Variants in DST observed in about 807,000 individuals in gnomAD.
DST encodes bullous pemphigoid antigen.
DST carries 253 observed loss-of-function variants against 875.2 expected under a neutral mutation model. The observed-to-expected ratio is 0.29, with a 90% CI of 0.26 to 0.32. The LOEUF is 0.32. DST is among the 10% of genes least tolerant of loss of function. The pLI is 1.00. For missense variants in DST, 8,287 were observed against 9,111.6 expected (o/e 0.91, Z 3.68); for synonymous variants, 3,124 against 3,197.1 (o/e 0.98, Z 0.77).
intron 2 of DST, among the ~76,000 whole-genome samples, chr6:56,901,971 G>C (rs1038049134): frequency 1.3e-5 from 2 of 152,218 alleles, no homozygotes; most frequent in African/African-American, 4.8e-5. Flanking sequence ...GGTTAAAGTA[G>C]TAGACTCTCA....
chr6:56,789,507 T>G (rs6922079), intron 4 of DST, among the ~76,000 whole-genome samples: 1,524 of 152,302 alleles, frequency 0.01, 25 homozygotes, highest in African/African-American at 0.035. Flanking sequence ...TTTATTAGCA[T>G]TAAGTATATT....
At chr6:56,782,519 T>C (rs898299567) in intron 4 of DST, among the ~76,000 whole-genome samples, 1 of 152,246 alleles carries the variant, frequency 6.6e-6, no homozygotes, top group African/African-American at 2.4e-5. Context: ...ATAGAGGTGT[T>C]TGTAGTATTC....
At chr6:56,641,214 T>C (rs2098897211) in intron 17 of DST, among the ~76,000 whole-genome samples, 2 of 152,150 alleles carry the variant, frequency 1.3e-5, no homozygotes, top group Non-Finnish European at 2.9e-5. Context: ...AAGGTTTTTA[T>C]ACACGTATTT....
In DST at chr6:56,509,719, A is replaced by G. The variant is rs1431402571; in HGVS notation, c.18935T>C (p.Leu6312Ser). The G allele has an allele frequency of 6.2e-7, 1 of 1,613,708 alleles. No homozygotes were observed. The highest frequency in any genetic ancestry group is 1.1e-5 in the South Asian group (1 of 91,084). ...VSVDMEKLQP[L>S]YETLKQRGEE... is the part of the protein sequence containing the mutation. Reference sequence around the variant, plus strand: ...TCCCCTCTGTTTAAGAGTTTCATACAACGGCTGTAGCTTTTCCATGTCTAC... The same window carrying G: ...TCCCCTCTGTTTAAGAGTTTCATACGACGGCTGTAGCTTTTCCATGTCTAC... Residue 6312 changes from leucine (L) to serine (S), a missense_variant, in exon 74 of 104, where the codon TTG becomes TCG. This residue lies in a region of DST where 1,292 missense variants were observed against 1,552.7 expected (regional missense o/e 0.83). Transcript: ENST00000680361.
chr6:56,604,385 A>G lies in DST; in HGVS notation c.10243T>C (p.Ser3415Pro). 1 of 1,611,940 alleles carries G rather than the reference A, an allele frequency of 6.2e-7. No homozygotes were observed. Among genetic ancestry groups the G allele is most frequent in the Non-Finnish European group, 8.5e-7 (1 of 1,178,832 alleles). The change falls in exon 40 of 104, where the codon TCT becomes CCT. Residue 3415 changes from serine (S) to proline (P), a missense_variant. Physicochemically the swap from Ser to Pro is moderately conservative, Grantham distance 74. Around this residue, in one of 10 missense-constraint regions of DST, gnomAD observed 3,138 missense variants for 3,116.6 expected, o/e 1.01. Coordinates refer to ENST00000680361, the MANE Select transcript of DST (RefSeq NM_001374736.1). Reference protein sequence around the residue: ...VPSDSQMSDSSGVSPMTNSSE... With the variant: ...VPSDSQMSDSPGVSPMTNSSE... ...GAGTTAGTCATGGGGGAAACTCCAG[A>G]AGAGTCACTCATTTGAGAGTCGCTG...
chr6:56,619,861 G>T lies in DST; in HGVS notation c.4929+4669C>A, dbSNP rs1379970540. The T allele has an allele frequency of 1.9e-6, 3 of 1,614,040 alleles. No individual in the cohort carries two copies. Among genetic ancestry groups the T allele is most frequent in the Middle Eastern group, 1.6e-4 (1 of 6,062 alleles). ...CAGATGACGTTTTTTCAAGCTGGAG[G>T]GCATTAAGTTCATATGTCAGCTCTC... is the stretch of plus-strand genomic sequence containing the variant. On this transcript the variant is annotated intron_variant, in intron 36 of 103. Coordinates refer to ENST00000680361, the MANE Select transcript of DST (RefSeq NM_001374736.1).
chr6:56,791,127 C>T (rs1363914245), intron 4 of DST, among the ~76,000 whole-genome samples: 1 of 152,198 alleles, frequency 6.6e-6, no homozygotes, highest in Non-Finnish European at 1.5e-5. Context: ...TTACACGAAT[C>T]CTTTATCCTT....
At chr6:56,692,989 T>C in intron 9 of DST, 1 of 1,289,822 alleles carries the variant, frequency 7.8e-7, no homozygotes, top group Non-Finnish European at 1.0e-6. Context: ...ATTTTCATTG[T>C]TTGCCCCAAC....
chr6:56,557,355 G>T lies in DST; in HGVS notation c.14604C>A (p.Asp4868Glu), dbSNP rs780528402. ...MVSVLGPLSI[D>E]PNMLNTQRQQ... ...GCCTTTGTGTGTTTAGCATATTTGG[G>T]TCAATTGACAAGGGCCCAAGAACAC... The change falls in exon 59 of 104, where the codon GAC becomes GAA. Residue 4868 changes from aspartate to glutamate, a missense_variant. Physicochemically the swap from Asp to Glu is conservative, Grantham distance 45 (BLOSUM62 2). Around this residue, in one of 10 missense-constraint regions of DST, gnomAD observed 1,513 missense variants for 1,677.8 expected, o/e 0.90. Transcript: ENST00000680361. 1.2e-6 allele frequency: 2 copies of T among 1,613,512 alleles called. No homozygotes were observed. Among genetic ancestry groups the T allele is most frequent in the Non-Finnish European group, 1.7e-6 (2 of 1,179,686 alleles).
intron 99 of DST, 70 bp downstream of exon 99, chr6:56,466,008 T>G: frequency 7.9e-7 from 1 of 1,260,738 alleles, no homozygotes; most frequent in Non-Finnish European, 1.1e-6. Context: ...ATGCCCAGTA[T>G]GTTTTGGTGC....
intron 4 of DST, among the ~76,000 whole-genome samples, chr6:56,753,559 A>G (rs915622357): frequency 1.3e-5 from 2 of 152,228 alleles, no homozygotes; most frequent in Non-Finnish European, 2.9e-5. Flanking sequence ...ACCTAAGAGA[A>G]TGCTTAACAT....
At chr6:56,631,801 T>G (rs2098783165) in intron 29 of DST, 82 bp downstream of exon 29, 13 of 1,335,698 alleles carry the variant, frequency 9.7e-6, no homozygotes, top group Non-Finnish European at 1.4e-5. Context: ...TGTGCAAAAC[T>G]GAACATTAAG....
Position 56,459,247 on chromosome 6 carries a change from G to A in DST, c.23215C>T (p.Arg7739Ter), listed in dbSNP as rs1270744282. The change falls in exon 104 of 104, where the codon CGA becomes TGA. Residue 7739 changes from arginine (R) to a stop codon, truncating the protein, a stop_gained. Coordinates refer to ENST00000680361, the MANE Select transcript of DST (RefSeq NM_001374736.1). LOFTEE classifies it high-confidence loss of function. ...TTGCTTCCAGCTCGACTTCCTGGTC[G>A]GCTGGGAGTCTTCTTGGAATCTGAG... The part of the protein sequence containing the change: ...QFADSKKTPS[R>*]PGSRAGSKAG... The A allele has an allele frequency of 2.5e-6, 4 of 1,612,400 alleles. No homozygotes were observed. The highest frequency in any genetic ancestry group is 1.1e-5 in the South Asian group (1 of 90,774).
rs1309423603 is a variant in DST at position 56,532,256 on chromosome 6, T to A, written c.17108+88A>T. ...CATGATAAACATAGGAAAATCATGATTTGAAGTATTAACAAAATACAAAAT... is the reference window on the plus strand; with the variant it reads ...CATGATAAACATAGGAAAATCATGAATTGAAGTATTAACAAAATACAAAAT... On this transcript the variant is annotated intron_variant, in intron 64 of 103. Transcript: ENST00000680361. 3 of 1,197,448 alleles carry A rather than the reference T, an allele frequency of 2.5e-6. No homozygotes were observed. In the East Asian group the frequency reaches 7.2e-5, roughly 29 times the overall value. 74.2% of individuals were successfully genotyped at this position (1,197,448 alleles called of 1,614,324 possible).
chr6:56,676,103 G>A (rs2099128333), intron 9 of DST, among the ~76,000 whole-genome samples: 1 of 152,092 alleles, frequency 6.6e-6, no homozygotes, highest in Admixed American at 6.6e-5. Flanking sequence ...GTCTCGCTCT[G>A]TCGCCCAGGC....
intron 3 of DST, among the ~76,000 whole-genome samples, chr6:56,880,170 C>G (rs62411408): frequency 1.3e-5 from 2 of 152,176 alleles, no homozygotes; most frequent in Admixed American, 6.5e-5. Context: ...ACAATTTTCT[C>G]TTAGCTAAAG....
rs1364473865 is a variant in DST at position 56,579,666 on chromosome 6, CAGAAGACACAAAGA to C, written c.12904-743_12904-730del. On this transcript the variant is annotated intron_variant, in intron 49 of 103. Transcript: ENST00000680361. ...GGAGAACCACTCCCTGCAGAACAAA[CAGAAGACACAAAGA>C]TGAGGACAGAAGAATCACAGGAGAA... Among the ~76,000 whole-genome samples the C allele has an allele frequency of 3.9e-5, 6 of 152,168 alleles. No individual in the cohort carries two copies. The East Asian group carries it at 9.7e-4, about 25-fold the overall frequency.
intron 3 of DST, among the ~76,000 whole-genome samples, chr6:56,883,061 T>C (rs1186545634): frequency 6.6e-6 from 1 of 152,134 alleles, no homozygotes; most frequent in African/African-American, 2.4e-5. Context: ...AGAGATGGGG[T>C]TTCACCATGT....
intron 4 of DST, among the ~76,000 whole-genome samples, chr6:56,827,855 C>A (rs181538751): frequency 2.3e-4 from 35 of 152,304 alleles, no homozygotes; most frequent in Admixed American, 1.1e-3. Flanking sequence ...CATCTAAAAG[C>A]TTCTGTCTCC....
Sources: allele counts gnomAD v4.1 joint callset (sites outside exome capture counted in the v4.1 genomes callset), GRCh38; gene constraint gnomAD v4.1.1; regional missense constraint gnomAD v4.1.1; transcripts MANE v1.5; gene names NCBI Gene and HGNC (gene_info 2026-07-23, HGNC 2026-07-21).